The following PRELID2 variants were observed in gnomAD, a reference collection of about 807,000 sequenced individuals.
The protein encoded by PRELID2 is PRELI domain containing 2, also known as PRELI domain-containing protein 2.
PRELID2 carries 25 observed loss-of-function variants against 28.4 expected under a neutral mutation model. The ratio of observed to expected loss-of-function variants is 0.88; its 90% CI spans 0.64 to 1.23. The LOEUF (loss-of-function observed/expected upper bound fraction) is 1.23. Ranked by LOEUF, PRELID2 falls within the 50% of genes most tolerant of loss-of-function variation. The pLI is 0.00. For missense variants in PRELID2, 201 were observed against 214.4 expected (o/e 0.94, Z 0.39); for synonymous variants, 76 against 71.6 (o/e 1.06, Z -0.31).
chr5:145,347,453 T>C, the PRELID2 span, among the ~76,000 whole-genome samples: 1 of 152,152 alleles, frequency 6.6e-6, no homozygotes, highest in African/African-American at 2.4e-5. Flanking sequence ...AATTGCTGTT[T>C]CCTCAAAAAT....
At chr5:145,649,128 A>C (rs1439199589) in intron 1 of PRELID2, among the ~76,000 whole-genome samples, 1 of 152,198 alleles carries the variant, frequency 6.6e-6, no homozygotes, top group Admixed American at 6.5e-5. Flanking sequence ...AAAATAATAC[A>C]AATAAAAACA....
rs145846632 is a variant in PRELID2, at chr5:145,670,903, C to T, written n.70+94028G>A. The stretch of plus-strand genomic sequence containing the variant: ...TAGCAGTACAGCGTATGATTAAAAG[C>T]CCAAGCCTTGCAACTTACAACAGTG... On this transcript the variant is annotated intron_variant and non_coding_transcript_variant, in intron 1 of 2. Coordinates refer to the PRELID2 transcript ENST00000510259. Among the ~76,000 whole-genome samples, 610 of 152,260 alleles carry T rather than the reference C, an allele frequency of 4.0e-3. 3 individuals carry two copies. The highest frequency in any genetic ancestry group is 5.3e-3 in the Non-Finnish European group (363 of 68,014).
intron 1 of PRELID2, chr5:145,826,161 T>C (rs1430280581): frequency 1.0e-5 from 10 of 985,346 alleles, no homozygotes; most frequent in Non-Finnish European, 1.2e-5. Context: ...GAAGCTGCCA[T>C]GCGCATGATC....
intron 1 of PRELID2, among the ~76,000 whole-genome samples, chr5:145,698,974 G>A (rs962841569): frequency 4.6e-5 from 7 of 152,096 alleles, no homozygotes; most frequent in African/African-American, 1.2e-4. Context: ...TGATCCACCC[G>A]CCTCAGCCTC....
intron 1 of PRELID2, among the ~76,000 whole-genome samples, chr5:145,656,275 G>C (rs1472931645): frequency 6.6e-6 from 1 of 152,202 alleles, no homozygotes; most frequent in Non-Finnish European, 1.5e-5. Context: ...AGGATGTGGA[G>C]AAATAGGAAT....
intron 1 of PRELID2, among the ~76,000 whole-genome samples, chr5:145,666,149 C>T (rs1380333799): frequency 6.6e-6 from 1 of 152,004 alleles, no homozygotes; most frequent in Admixed American, 6.6e-5. Flanking sequence ...TTTATGTTGA[C>T]TTAATTCTAA....
chr5:145,374,617 C>T, the PRELID2 span, among the ~76,000 whole-genome samples: 1 of 152,076 alleles, frequency 6.6e-6, no homozygotes, highest in Admixed American at 6.6e-5. Context: ...TCAGGTACTC[C>T]AGTCAATCAC....
chr5:145,536,046 C>G (rs928965984), intron 1 of PRELID2, among the ~76,000 whole-genome samples: 3 of 152,002 alleles, frequency 2.0e-5, no homozygotes, highest in Admixed American at 2.0e-4. Flanking sequence ...AAAAATACTA[C>G]AAAGTTTGTG....
chr5:145,447,114 C>T, the PRELID2 span, among the ~76,000 whole-genome samples: 24 of 147,956 alleles, frequency 1.6e-4, no homozygotes, highest in Admixed American at 1.0e-3. Context: ...AAATCAGAGA[C>T]CACATTTTTT....
intron 1 of PRELID2, among the ~76,000 whole-genome samples, chr5:145,563,002 A>T (rs1043971748): frequency 1.3e-5 from 2 of 152,210 alleles, no homozygotes; most frequent in Non-Finnish European, 1.5e-5. Flanking sequence ...TTGCCTATTC[A>T]GAATCCATTT....
At chr5:145,332,591 T>C in the PRELID2 span, among the ~76,000 whole-genome samples, 1 of 152,070 alleles carries the variant, frequency 6.6e-6, no homozygotes, top group African/African-American at 2.4e-5. Context: ...TTCATGAAGA[T>C]CTCATGCTGT....
At chr5:145,521,752 T>A (rs1456659275) in intron 1 of PRELID2, among the ~76,000 whole-genome samples, 1 of 152,066 alleles carries the variant, frequency 6.6e-6, no homozygotes, top group East Asian at 1.9e-4. Flanking sequence ...CAGCCAGGTA[T>A]CCTCTTGGCT....
At chr5:145,244,585 A>T in the PRELID2 span, among the ~76,000 whole-genome samples, 4 of 152,012 alleles carry the variant, frequency 2.6e-5, no homozygotes, top group Non-Finnish European at 5.9e-5. Flanking sequence ...CGGCACACAG[A>T]CCCAGGGACT....
At chr5:145,657,701 GA>G (rs1275585252) in intron 1 of PRELID2, among the ~76,000 whole-genome samples, 1 of 152,038 alleles carries the variant, frequency 6.6e-6, no homozygotes, top group South Asian at 2.1e-4. Context: ...AAGAAAGAAA[GA>G]AAGTGAAATG....
chr5:145,385,832 C>T, the PRELID2 span, among the ~76,000 whole-genome samples: 1 of 152,066 alleles, frequency 6.6e-6, no homozygotes. Context: ...TTCATAAAGC[C>T]TTTCCAGTAC....
chr5:145,249,627 C>T, the PRELID2 span, among the ~76,000 whole-genome samples: 2 of 152,018 alleles, frequency 1.3e-5, no homozygotes. Context: ...TGTTAGGCTG[C>T]AAATCTGTAG....
chr5:145,817,884 C>T lies in PRELID2; in HGVS notation c.368+10G>A, dbSNP rs779847004. The T allele has an allele frequency of 9.1e-6, 14 of 1,537,196 alleles. No individual in the cohort carries two copies. The highest frequency in any genetic ancestry group is 6.9e-5 in the African/African-American group (5 of 72,092). ...ACCAAAACACACACACATATACACA[C>T]GAGTCTTACCAATTTGGGTTTTCCA... On this transcript the variant is annotated intron_variant, in intron 4 of 6. Transcript: ENST00000683046.
At chr5:145,432,040 T>C in the PRELID2 span, among the ~76,000 whole-genome samples, 1 of 152,138 alleles carries the variant, frequency 6.6e-6, no homozygotes, top group Non-Finnish European at 1.5e-5. Context: ...CATATTATTA[T>C]TTGAAAATAT....
In PRELID2 at chr5:145,540,923, A is replaced by G. The variant is rs553475847; in HGVS notation, n.71-67608T>C. Reference sequence around the variant, plus strand: ...TAATGGCATGTGATGGGATAATGGCATAGAGGCTACGTTTTCAGTTTTTAA... The same window carrying G: ...TAATGGCATGTGATGGGATAATGGCGTAGAGGCTACGTTTTCAGTTTTTAA... On this transcript the variant is annotated intron_variant and non_coding_transcript_variant, in intron 1 of 2. Coordinates refer to the PRELID2 transcript ENST00000510259. Among the ~76,000 whole-genome samples the G allele has an allele frequency of 3.1e-4, 47 of 152,092 alleles. 1 individual carries two copies. Among genetic ancestry groups the G allele is most frequent in the African/African-American group, 8.7e-4 (36 of 41,550 alleles).
Sources: gnomAD v4.1 joint callset for allele counts (sites outside exome capture counted in the v4.1 genomes callset) on GRCh38, gnomAD v4.1.1 for gene constraint, MANE v1.5 for transcripts, NCBI Gene and HGNC (gene_info 2026-07-23, HGNC 2026-07-21) for gene names.